The following ZNF350 variants were observed in gnomAD, a reference collection of about 807,000 sequenced individuals.
ZNF350 encodes the protein zinc finger protein 350.
A neutral mutation model predicts 13.1 loss-of-function variants in ZNF350; 5 were observed. That is an observed-to-expected ratio of 0.38 (90% CI 0.20 to 0.80). The LOEUF is 0.80. Among genes scored for constraint, ZNF350 ranks in the 30% least tolerant of loss-of-function variants. The probability of loss-of-function intolerance (pLI) is 0.43; values close to 1 mark genes in which losing one functional copy is unlikely to be tolerated. For missense variants in ZNF350, 534 were observed against 644.2 expected, an observed-to-expected ratio of 0.83 and a Z score of 1.85; for synonymous variants, 199 against 224.2, an observed-to-expected ratio of 0.89 and a Z score of 1.00.
At chr19:51,970,900 C>T (rs898721786) in intron 2 of ZNF350, among the ~76,000 whole-genome samples, 5 of 152,188 alleles carry the variant, frequency 3.3e-5, no homozygotes, top group African/African-American at 1.2e-4. Context: ...AATTTTCTGA[C>T]AGCTGACTGC....
At chr19:51,977,985 G>T (rs185889181) in intron 1 of ZNF350, among the ~76,000 whole-genome samples, 158 of 152,318 alleles carry the variant, frequency 1.0e-3, no homozygotes, top group Non-Finnish European at 1.7e-3. Flanking sequence ...CCAGATCTCA[G>T]GACAGAAAGG....
At position 51,966,054 on chromosome 19, in the gene ZNF350, T is replaced by C; in HGVS notation, c.399A>G (p.Gly133=). The C allele has an allele frequency of 6.2e-7, 1 of 1,614,078 alleles. No homozygotes were observed. The highest frequency in any genetic ancestry group is 1.7e-5 in the Admixed American group (1 of 60,030). Residue 133 remains glycine, a synonymous_variant, in exon 5 of 5, where the codon GGA becomes GGG. Transcript: ENST00000243644. ...AAGTTAAATTGGATTTCAAACTTTTTCCACGTAAGTCAAATATATCATGAT... is the reference window on the plus strand; with the variant it reads ...AAGTTAAATTGGATTTCAAACTTTTCCCACGTAAGTCAAATATATCATGAT... ...GQNHDIFDLR[G]KSLKSNLTLV... is the part of the protein sequence containing the mutation.
In ZNF350 at chr19:51,964,527, C is replaced by A; in HGVS notation, c.*327G>T. On this transcript the variant is annotated 3_prime_UTR_variant, in exon 5 of 5. Transcript: ENST00000243644. ...CATTACAGTATTAGCCCTTTCCCACCAACTGCCCCTTATGAAGCTTTTCAG... is the reference window on the plus strand; with the variant it reads ...CATTACAGTATTAGCCCTTTCCCACAAACTGCCCCTTATGAAGCTTTTCAG... 3.0e-6 allele frequency: 1 copy of A among 331,176 alleles called. No individual in the cohort carries two copies. The highest frequency in any genetic ancestry group is 6.1e-5 in the East Asian group (1 of 16,488). The allele number at this position is 331,176 out of a possible 1,614,324, so 20.5% of individuals were successfully genotyped here.
rs936272762 is a variant in ZNF350, at chr19:51,976,061, A to G, written c.-171-1530T>C. ...CGCCGTTATCTACTGCGACATCTAG[A>G]GAATGCAGTCTTGCAAGACTACTCT... On this transcript the variant is annotated intron_variant, in intron 1 of 4. Coordinates refer to ENST00000243644, the MANE Select transcript of ZNF350 (RefSeq NM_021632.4). This position sits in a 1 kb window ranked among gnomAD's most constrained non-coding sequence, Gnocchi z 4.5. Among the ~76,000 whole-genome samples, 2 of 150,524 alleles carry G rather than the reference A, an allele frequency of 1.3e-5. No individual in the cohort carries two copies. Among genetic ancestry groups the G allele is most frequent in the Non-Finnish European group, 3.0e-5 (2 of 67,214 alleles).
At chr19:51,967,592 G>T (rs2085616571) in intron 4 of ZNF350, among the ~76,000 whole-genome samples, 1 of 152,060 alleles carries the variant, frequency 6.6e-6, no homozygotes, top group Non-Finnish European at 1.5e-5. Flanking sequence ...AGGTAACATG[G>T]TTTACTGGGA....
rs149385804 is a variant in ZNF350, at chr19:51,966,010, C to G, written c.443G>C (p.Gly148Ala). ...SNLTLVNQSK[G>A]YEIKNSVEFT... ...CTCAACAGAGTTCTTTATTTCATAG[C>G]CTTTGCTCTGGTTAACTAAAGTTAA... Residue 148 changes from glycine (G) to alanine (A), a missense_variant, in exon 5 of 5, where the codon GGC becomes GCC. Transcript: ENST00000243644. 156 of 1,614,062 alleles carry G rather than the reference C, an allele frequency of 9.7e-5. No homozygotes were observed. In the African/African-American group the frequency reaches 1.9e-3, roughly 19 times the overall value.
intron 1 of ZNF350, among the ~76,000 whole-genome samples, chr19:51,986,002 C>T (rs1383594709): frequency 6.6e-6 from 1 of 151,706 alleles, no homozygotes; most frequent in Admixed American, 6.6e-5. Context: ...AGTGAAACTC[C>T]GTCTCAAAAA....
chr19:51,980,047 A>G (rs1442468250), intron 1 of ZNF350, among the ~76,000 whole-genome samples: 1 of 152,238 alleles, frequency 6.6e-6, no homozygotes, highest in Non-Finnish European at 1.5e-5. Flanking sequence ...TAAGCAACAC[A>G]GTCTTAATGT....
At chr19:51,986,684 C>T (rs905330651) in intron 1 of ZNF350, 86 bp downstream of exon 1, 2 of 152,454 alleles carry the variant, frequency 1.3e-5, no homozygotes, top group African/African-American at 2.4e-5. Context: ...CCAGGGTACA[C>T]CACGTCCTCA....
At chr19:51,980,367 A>G (rs1421873857) in intron 1 of ZNF350, among the ~76,000 whole-genome samples, 2 of 152,214 alleles carry the variant, frequency 1.3e-5, no homozygotes, top group Non-Finnish European at 2.9e-5. Flanking sequence ...ATAGAGCCTT[A>G]GGCATAATTT....
chr19:51,975,354 G>A (rs926459998), intron 1 of ZNF350, among the ~76,000 whole-genome samples: 2 of 150,522 alleles, frequency 1.3e-5, no homozygotes, highest in East Asian at 2.0e-4. Flanking sequence ...GCTTGAATCC[G>A]GGAGATGGAG....
intron 1 of ZNF350, 94 bp downstream of exon 1, chr19:51,986,676 A>C (rs1013778804): frequency 6.6e-6 from 1 of 152,590 alleles, no homozygotes; most frequent in Non-Finnish European, 1.5e-5. Context: ...TATGTGGTCC[A>C]GGGTACACCA....
Position 51,965,327 on chromosome 19 carries a change from A to C in ZNF350, c.1126T>G (p.Cys376Gly). The C allele has an allele frequency of 1.2e-6, 2 of 1,614,014 alleles. No homozygotes were observed. The highest frequency in any genetic ancestry group is 2.2e-5 in the South Asian group (2 of 91,078). ...CTAAAGGCTTTCCCACATTCACTAC[A>C]TTCAAAGGGTTTCTCTCCTGTGTGA... Reference protein sequence around the residue: ...RIHTGEKPFECSECGKAFSTK... With the variant: ...RIHTGEKPFEGSECGKAFSTK... The change falls in exon 5 of 5, where the codon TGT becomes GGT. Residue 376 changes from cysteine to glycine, a missense_variant. Transcript: ENST00000243644.
intron 1 of ZNF350, among the ~76,000 whole-genome samples, chr19:51,983,476 T>C (rs2086101273): frequency 1.3e-5 from 2 of 152,192 alleles, no homozygotes; most frequent in African/African-American, 4.8e-5. Context: ...GGGAATGGAA[T>C]GTCCCGGTAT....
rs775966379 is a variant in ZNF350, at chr19:51,965,421, C to T, written c.1032G>A (p.Thr344=). 18 of 1,614,102 alleles carry T rather than the reference C, an allele frequency of 1.1e-5. No homozygotes were observed. The highest frequency in any genetic ancestry group is 1.5e-5 in the Non-Finnish European group (18 of 1,180,000). ...TTCCACATTCACTGCACACAAAGGG[C>T]GTCTTTCCTGTGTGAAATCTCTGAT... ...IAHQRFHTGK[T]PFVCSECGKS... is the part of the protein sequence containing the mutation. The change falls in exon 5 of 5, where the codon ACG becomes ACA. Residue 344 remains threonine (T), a synonymous_variant. Coordinates refer to ENST00000243644, the MANE Select transcript of ZNF350 (RefSeq NM_021632.4).
In ZNF350 at chr19:51,966,015, G is replaced by C. The variant is rs2085557479; in HGVS notation, c.438C>G (p.Ser146Arg). The C allele has an allele frequency of 1.2e-6, 2 of 1,614,010 alleles. No homozygotes were observed. The highest frequency in any genetic ancestry group is 1.7e-6 in the Non-Finnish European group (2 of 1,179,992). Residue 146 changes from serine to arginine, a missense_variant, in exon 5 of 5, where the codon AGC (serine) becomes AGG (arginine). By Grantham distance (110) the Ser-to-Arg change is moderately radical. Coordinates refer to ENST00000243644, the MANE Select transcript of ZNF350 (RefSeq NM_021632.4). ...LKSNLTLVNQ[S>R]KGYEIKNSVE... is the part of the protein sequence containing the mutation. Reference sequence around the variant, plus strand: ...CAGAGTTCTTTATTTCATAGCCTTTGCTCTGGTTAACTAAAGTTAAATTGG... The same window carrying C: ...CAGAGTTCTTTATTTCATAGCCTTTCCTCTGGTTAACTAAAGTTAAATTGG...
chr19:51,985,441 A>C lies in ZNF350; in HGVS notation c.-172+1329T>G, dbSNP rs150541109. Among the ~76,000 whole-genome samples the C allele has an allele frequency of 3.9e-3, 597 of 152,350 alleles. 4 individuals carry two copies. Among genetic ancestry groups the C allele is most frequent in the African/African-American group, 0.014 (572 of 41,580 alleles). On this transcript the variant is annotated intron_variant, in intron 1 of 4. Transcript: ENST00000243644. ...TGGAAAAAGAGATTCAAGAAATTAC[A>C]TATTTAAAAAAGAAAATGCTCCCTC...
intron 1 of ZNF350, among the ~76,000 whole-genome samples, chr19:51,980,203 A>G (rs2085999389): frequency 6.6e-6 from 1 of 152,212 alleles, no homozygotes. Flanking sequence ...TGCATTAATC[A>G]TAGCACATTA....
At chr19:51,983,131 GT>G (rs2086087419) in intron 1 of ZNF350, among the ~76,000 whole-genome samples, 1 of 152,230 alleles carries the variant, frequency 6.6e-6, no homozygotes, top group African/African-American at 2.4e-5. Context: ...TTGGCTCAAG[GT>G]TTAATGGATT....
Sources: gnomAD v4.1 joint callset for allele counts (sites outside exome capture counted in the v4.1 genomes callset) on GRCh38, gnomAD v4.1.1 for gene constraint, Gnocchi (gnomAD v3.1) non-coding constraint, MANE v1.5 for transcripts, NCBI Gene and HGNC (gene_info 2026-07-23, HGNC 2026-07-21) for gene names.